The following CD5 variants were observed in gnomAD, a reference collection of about 807,000 sequenced individuals.
The protein encoded by CD5 is CD5 molecule.
A neutral mutation model predicts 60.3 loss-of-function variants in CD5; 36 were observed. That is an observed-to-expected ratio of 0.60 (90% CI 0.46 to 0.79). The LOEUF (loss-of-function observed/expected upper bound fraction) is 0.79, where lower values mean the gene tolerates loss of function less well. Among genes scored for constraint, CD5 ranks in the 30% least tolerant of loss-of-function variants. The pLI is 0.00. For synonymous variants in CD5, 230 were observed against 257.6 expected (o/e 0.89, Z 1.03); for missense variants, 540 against 630.6 (o/e 0.86, Z 1.54).
Position 61,118,518 on chromosome 11 carries a change from G to A in CD5, c.400+38G>A. The A allele has an allele frequency of 1.3e-6, 2 of 1,595,882 alleles. No homozygotes were observed. Among genetic ancestry groups the A allele is most frequent in the East Asian group, 2.2e-5 (1 of 44,742 alleles). On this transcript the variant is annotated intron_variant, in intron 3 of 10. Coordinates refer to ENST00000347785, the MANE Select transcript of CD5 (RefSeq NM_014207.4). The surrounding 1 kb of genome is among the most constrained non-coding windows in gnomAD (Gnocchi z 4.7). ...CCAGCCACACGGGCACCCTGGGCCT[G>A]GGCGCCAGCCCCGAGGAGACTGCCC...
chr11:61,122,687 G>T (rs1163743357), intron 6 of CD5, among the ~76,000 whole-genome samples: 1 of 151,896 alleles, frequency 6.6e-6, no homozygotes, highest in African/African-American at 2.4e-5. Flanking sequence ...ATAGCTAGAT[G>T]ATCAACTGTT....
At position 61,119,263 on chromosome 11, in the gene CD5, TC is replaced by T; in HGVS notation, c.494del (p.Ser165LeufsTer46). 6.2e-7 allele frequency: 1 copy of T among 1,610,750 alleles called. No individual in the cohort carries two copies. Among genetic ancestry groups the T allele is most frequent in the Non-Finnish European group, 8.5e-7 (1 of 1,178,348 alleles). On this transcript the variant is annotated frameshift_variant, in exon 5 of 11. Transcript: ENST00000347785. LOFTEE classifies it high-confidence loss of function. ...TCCCAGGCTGCAGCTGGTGGCACAGTCTGGCGGCCAGCACTGTGCCGGCGTG... is the reference window on the plus strand; with the variant it reads ...TCCCAGGCTGCAGCTGGTGGCACAGTTGGCGGCCAGCACTGTGCCGGCGTG... ...APPRLQLVAQ[S>X]GGQHCAGVVE...
chr11:61,109,324 T>C (rs531122376), intron 1 of CD5, among the ~76,000 whole-genome samples: 6 of 152,302 alleles, frequency 3.9e-5, no homozygotes, highest in Admixed American at 3.9e-4. Context: ...CACTGCCATG[T>C]GTTTGAAGCC....
chr11:61,121,902 C>T lies in CD5; in HGVS notation c.1097C>T (p.Thr366Ile), dbSNP rs773746400. The T allele has an allele frequency of 9.8e-6, 15 of 1,532,566 alleles. No individual in the cohort carries two copies. The highest frequency in any genetic ancestry group is 5.5e-5 in the Admixed American group (3 of 54,218). The allele number at this position is 1,532,566 out of a possible 1,614,324, so 94.9% of individuals were successfully genotyped here. Residue 366 changes from threonine to isoleucine, a missense_variant and splice_region_variant, in exon 6 of 11, where the codon ACA becomes ATA. Physicochemically the swap from Thr to Ile is moderately conservative, Grantham distance 89. Coordinates refer to ENST00000347785, the MANE Select transcript of CD5 (RefSeq NM_014207.4). ...RNSYCKKVFVTCQDPNPAGLA... is the reference protein window; with the variant it reads ...RNSYCKKVFVICQDPNPAGLA... The stretch of plus-strand genomic sequence containing the variant: ...TCCTACTGCAAGAAGGTGTTTGTCA[C>T]ATGTGAGTTGGCCACAGCCCACAGT...
chr11:61,094,627 C>T, the CD5 span, among the ~76,000 whole-genome samples: 1 of 151,952 alleles, frequency 6.6e-6, no homozygotes, highest in Non-Finnish European at 1.5e-5. Flanking sequence ...TCTGGCTTGG[C>T]GTAAACTGTA....
rs1322787597 is a variant in CD5, at chr11:61,119,439, C to T, written c.669C>T (p.Asp223=). The part of the protein sequence containing the change: ...LPETEAGRAQ[D]PGEPREHQPL... Reference sequence around the variant, plus strand: ...AGACTGAGGCAGGCAGAGCCCAAGACCCAGGGGAGCCACGGGAACACCAGC... The same window carrying T: ...AGACTGAGGCAGGCAGAGCCCAAGATCCAGGGGAGCCACGGGAACACCAGC... The change falls in exon 5 of 11, where the codon GAC becomes GAT. Residue 223 remains aspartate (D), a synonymous_variant. Transcript: ENST00000347785. 2 of 1,614,172 alleles carry T rather than the reference C, an allele frequency of 1.2e-6. No homozygotes were observed. The highest frequency in any genetic ancestry group is 1.7e-6 in the Non-Finnish European group (2 of 1,180,030).
intron 1 of CD5, among the ~76,000 whole-genome samples, chr11:61,113,666 T>C (rs1860891728): frequency 6.6e-6 from 1 of 152,064 alleles, no homozygotes; most frequent in African/African-American, 2.4e-5. Context: ...CATTTCTTTC[T>C]TTCCTTTTTT....
chr11:61,121,480 C>T (rs1861057832), intron 5 of CD5, 131 bp from the exon 6 acceptor site: 1 of 651,564 alleles, frequency 1.5e-6, no homozygotes, highest in Non-Finnish European at 2.3e-6. Flanking sequence ...AAGGCTGCCT[C>T]TCCTGGTGGT....
intron 1 of CD5, among the ~76,000 whole-genome samples, chr11:61,106,028 G>A (rs1206730990): frequency 6.6e-6 from 1 of 151,000 alleles, no homozygotes; most frequent in African/African-American, 2.4e-5. Context: ...AGGAGGCTGA[G>A]GCAGGAGAAC....
intron 4 of CD5, 34 bp from the exon 5 acceptor site, chr11:61,119,200 G>C (rs2134606663): frequency 2.0e-6 from 3 of 1,536,464 alleles, no homozygotes; most frequent in Non-Finnish European, 2.6e-6. Context: ...TCGGCGCTCA[G>C]GGTGGCTCCC....
upstream of CD5, among the ~76,000 whole-genome samples, chr11:61,100,946 T>C (rs1464403528): frequency 4.8e-4 from 29 of 59,908 alleles, no homozygotes; most frequent in African/African-American, 8.6e-4. Flanking sequence ...ACATGGAGAT[T>C]ACACACACAT....
At chr11:61,117,108 T>G (rs1018676785) in intron 2 of CD5, among the ~76,000 whole-genome samples, 1 of 152,212 alleles carries the variant, frequency 6.6e-6, no homozygotes, top group Non-Finnish European at 1.5e-5. Context: ...GAAAACAAAT[T>G]GGCATGTCCG....
intron 2 of CD5, among the ~76,000 whole-genome samples, chr11:61,116,554 A>C (rs1283081384): frequency 3.0e-5 from 2 of 66,966 alleles, no homozygotes; most frequent in East Asian, 6.7e-4. Flanking sequence ...CACACACACC[A>C]CACACACCAC....
chr11:61,114,644 A>C (rs1860910682), intron 1 of CD5, among the ~76,000 whole-genome samples: 1 of 152,080 alleles, frequency 6.6e-6, no homozygotes, highest in Non-Finnish European at 1.5e-5. Context: ...CCTGTCTCAA[A>C]AAGTAATAAT....
chr11:61,121,790 G>C lies in CD5; in HGVS notation c.985G>C (p.Val329Leu). 1.2e-6 allele frequency: 2 copies of C among 1,611,352 alleles called. No individual in the cohort carries two copies. The highest frequency in any genetic ancestry group is 1.7e-6 in the Non-Finnish European group (2 of 1,178,038). Residue 329 changes from valine to leucine, a missense_variant, in exon 6 of 11, where the codon GTG becomes CTG. Transcript: ENST00000347785. The stretch of plus-strand genomic sequence containing the variant: ...GTGTGGCAGCGTCAACTCCTATCGA[G>C]TGCTGGACGCTGGTGACCCAACATC... ...QQCGSVNSYR[V>L]LDAGDPTSRG... is the part of the protein sequence containing the mutation.
At chr11:61,098,631 C>T (rs1860614292), upstream of CD5, among the ~76,000 whole-genome samples, 1 of 152,106 alleles carries the variant, frequency 6.6e-6, no homozygotes, top group Non-Finnish European at 1.5e-5. Flanking sequence ...TGCATGCAGC[C>T]CCCAGTCATG....
chr11:61,108,512 G>A (rs1860806240), intron 1 of CD5, among the ~76,000 whole-genome samples: 1 of 152,180 alleles, frequency 6.6e-6, no homozygotes, highest in Non-Finnish European at 1.5e-5. Flanking sequence ...GGGAATTTTG[G>A]TCCTTTACGA....
Position 61,115,007 on chromosome 11 carries a change from G to A in CD5, c.56-49G>A, listed in dbSNP as rs1181329735. On this transcript the variant is annotated intron_variant, in intron 1 of 10. Coordinates refer to ENST00000347785, the MANE Select transcript of CD5 (RefSeq NM_014207.4). ...GTGGGTGGGTGAGCTGGGGAGAAGGGAGAGAGTGGGAGGTTTCACTTCCTG... is the reference window on the plus strand; with the variant it reads ...GTGGGTGGGTGAGCTGGGGAGAAGGAAGAGAGTGGGAGGTTTCACTTCCTG... 3.3e-6 allele frequency: 5 copies of A among 1,535,570 alleles called. No individual in the cohort carries two copies. The South Asian group carries it at 6.0e-5, about 18-fold the overall frequency.
At chr11:61,112,206 T>A (rs1357024590) in intron 1 of CD5, among the ~76,000 whole-genome samples, 1 of 152,130 alleles carries the variant, frequency 6.6e-6, no homozygotes, top group Non-Finnish European at 1.5e-5. Flanking sequence ...CTGCTCCTGA[T>A]GGGCAGCTGG....
Sources: gnomAD v4.1 joint callset for allele counts (sites outside exome capture counted in the v4.1 genomes callset) on GRCh38, gnomAD v4.1.1 for gene constraint, Gnocchi (gnomAD v3.1) non-coding constraint, MANE v1.5 for transcripts, NCBI Gene and HGNC (gene_info 2026-07-23, HGNC 2026-07-21) for gene names.